The following AGBL4 variants were observed in gnomAD, a reference collection of about 807,000 sequenced individuals.
AGBL4 encodes the protein cytosolic carboxypeptidase 6.
In AGBL4, 58 loss-of-function variants were observed where a neutral mutation model predicts 66.4. The observed-to-expected ratio is 0.87, with a 90% CI of 0.71 to 1.09. The LOEUF (loss-of-function observed/expected upper bound fraction) is 1.09. AGBL4 is among the 50% of genes least tolerant of loss of function. AGBL4 has a pLI of 0.00. For missense variants in AGBL4, 579 were observed against 631.0 expected, an observed-to-expected ratio of 0.92 and a Z score of 0.88; for synonymous variants, 234 against 222.9, an observed-to-expected ratio of 1.05 and a Z score of -0.44.
chr1:49,529,838 C>T (rs537353919), intron 3 of AGBL4, among the ~76,000 whole-genome samples: 32 of 151,830 alleles, frequency 2.1e-4, no homozygotes, highest in Non-Finnish European at 2.5e-4. Context: ...ATAAATGTTC[C>T]GGGACCTTAT....
chr1:48,582,568 A>G (rs540816822), intron 11 of AGBL4, among the ~76,000 whole-genome samples: 10 of 152,314 alleles, frequency 6.6e-5, no homozygotes, highest in African/African-American at 2.4e-4. Context: ...GATTCAACCA[A>G]CAGAAGGAAA....
At chr1:49,355,165 T>C (rs1310936905) in intron 3 of AGBL4, among the ~76,000 whole-genome samples, 1 of 152,160 alleles carries the variant, frequency 6.6e-6, no homozygotes, top group Non-Finnish European at 1.5e-5. Flanking sequence ...AAACAACACA[T>C]ATTTCAAGCA....
At chr1:48,835,332 T>A (rs1646648916) in intron 6 of AGBL4, among the ~76,000 whole-genome samples, 1 of 152,184 alleles carries the variant, frequency 6.6e-6, no homozygotes, top group South Asian at 2.1e-4. Context: ...TGCTGGGATC[T>A]AATGATGAGC....
At chr1:48,817,341 T>A (rs1271944434) in intron 6 of AGBL4, among the ~76,000 whole-genome samples, 1 of 152,140 alleles carries the variant, frequency 6.6e-6, no homozygotes, top group East Asian at 1.9e-4. Context: ...CGTAACATAA[T>A]CCTGTCACTC....
intron 8 of AGBL4, among the ~76,000 whole-genome samples, chr1:48,649,425 A>G (rs1224790111): frequency 1.3e-5 from 2 of 152,232 alleles, no homozygotes; most frequent in Non-Finnish European, 2.9e-5. Flanking sequence ...CTATTGTTAT[A>G]TCATCCAACA....
At chr1:49,940,652 G>A (rs1165497533) in intron 1 of AGBL4, among the ~76,000 whole-genome samples, 4 of 151,890 alleles carry the variant, frequency 2.6e-5, no homozygotes, top group Admixed American at 2.6e-4. Flanking sequence ...ATTGAACAAT[G>A]AGAACACATG....
At chr1:49,755,384 A>T (rs1651813424) in intron 2 of AGBL4, among the ~76,000 whole-genome samples, 1 of 152,210 alleles carries the variant, frequency 6.6e-6, no homozygotes, top group Admixed American at 6.5e-5. Flanking sequence ...ATACTGTGTT[A>T]AGCCAGAGTT....
intron 3 of AGBL4, among the ~76,000 whole-genome samples, chr1:49,384,927 T>G (rs1159913083): frequency 6.6e-6 from 1 of 152,218 alleles, no homozygotes; most frequent in Non-Finnish European, 1.5e-5. Context: ...GGAGCATTAT[T>G]CATAATAGGC....
intron 9 of AGBL4, among the ~76,000 whole-genome samples, chr1:48,604,428 A>AT (rs1239128738): frequency 6.6e-6 from 1 of 152,064 alleles, no homozygotes; most frequent in Non-Finnish European, 1.5e-5. Flanking sequence ...AAACAAGTTG[A>AT]TTTTTTCTAA....
chr1:49,746,446 A>T (rs763537033), intron 2 of AGBL4, among the ~76,000 whole-genome samples: 5 of 152,082 alleles, frequency 3.3e-5, no homozygotes, highest in Admixed American at 6.6e-5. Context: ...GTCTGGTGCC[A>T]AAAACTACAC....
chr1:49,278,716 C>G (rs1644220155), intron 3 of AGBL4, among the ~76,000 whole-genome samples: 1 of 151,868 alleles, frequency 6.6e-6, no homozygotes, highest in Admixed American at 6.6e-5. Flanking sequence ...GGGATAGAGC[C>G]AAGATAAGAG....
intron 5 of AGBL4, among the ~76,000 whole-genome samples, chr1:48,919,734 C>T (rs1653925239): frequency 6.6e-6 from 1 of 152,198 alleles, no homozygotes; most frequent in African/African-American, 2.4e-5. Context: ...ACACCCCCTC[C>T]TCTCAAGTGT....
intron 3 of AGBL4, among the ~76,000 whole-genome samples, chr1:49,665,377 C>T (rs1200701927): frequency 6.6e-6 from 1 of 152,112 alleles, no homozygotes; most frequent in Non-Finnish European, 1.5e-5. Flanking sequence ...AAGCCCAGTT[C>T]TACAAACTGT....
chr1:49,436,869 A>C (rs1252058593), intron 3 of AGBL4, among the ~76,000 whole-genome samples: 2 of 152,198 alleles, frequency 1.3e-5, no homozygotes, highest in Non-Finnish European at 2.9e-5. Context: ...AAAATCTTAA[A>C]TTACAATTAC....
chr1:48,660,670 A>G (rs538597581), intron 7 of AGBL4, among the ~76,000 whole-genome samples: 8 of 152,314 alleles, frequency 5.3e-5, no homozygotes, highest in Admixed American at 4.6e-4. Flanking sequence ...TGTGTGTCTC[A>G]TGGGGCAGAT....
chr1:48,668,125 C>A (rs1449512690), intron 6 of AGBL4, among the ~76,000 whole-genome samples: 2 of 152,068 alleles, frequency 1.3e-5, no homozygotes, highest in East Asian at 3.9e-4. Flanking sequence ...CTAAACCAGA[C>A]AAGTTTCAGC....
chr1:48,975,686 C>T (rs892512546), intron 5 of AGBL4, among the ~76,000 whole-genome samples: 3 of 152,172 alleles, frequency 2.0e-5, no homozygotes, highest in East Asian at 3.9e-4. Context: ...AGTGATATAG[C>T]GGCATACAAG....
At chr1:49,624,132 TATC>T (rs938258020) in intron 3 of AGBL4, among the ~76,000 whole-genome samples, 4 of 152,206 alleles carry the variant, frequency 2.6e-5, no homozygotes, top group South Asian at 4.1e-4. Flanking sequence ...AAATTATTAT[TATC>T]ATCATCATAA....
intron 1 of AGBL4, among the ~76,000 whole-genome samples, chr1:49,896,908 AC>A (rs973398627): frequency 1.9e-4 from 29 of 151,906 alleles, no homozygotes; most frequent in Admixed American, 1.1e-3. Context: ...AAATTCAGCA[AC>A]CCTTCATGAT....
Sources: gnomAD v4.1 joint callset for allele counts (sites outside exome capture counted in the v4.1 genomes callset) on GRCh38, gnomAD v4.1.1 for gene constraint, MANE v1.5 for transcripts, NCBI Gene and HGNC (gene_info 2026-07-23, HGNC 2026-07-21) for gene names.